The following SLC2A7 variants were observed in gnomAD, a reference collection of about 807,000 sequenced individuals.
SLC2A7 encodes solute carrier family 2, facilitated glucose transporter member 7.
SLC2A7 carries 50 observed loss-of-function variants against 50.5 expected under a neutral mutation model. The ratio of observed to expected loss-of-function variants is 0.99; its 90% CI spans 0.79 to 1.25. SLC2A7 has a LOEUF of 1.25. Among genes scored for constraint, SLC2A7 ranks in the 50% most tolerant of loss-of-function variants. The probability of loss-of-function intolerance (pLI) is 0.00; values close to 1 mark genes in which losing one functional copy is unlikely to be tolerated. For missense variants in SLC2A7, 683 were observed against 679.1 expected (o/e 1.01, Z -0.06); for synonymous variants, 308 against 300.4 (o/e 1.03, Z -0.26).
chr1:9,014,901 C>T (rs544616432), intron 6 of SLC2A7, 33 bp from the exon 7 acceptor site: 21 of 1,549,852 alleles, frequency 1.4e-5, no homozygotes, highest in African/African-American at 2.7e-5. Context: ...CTCAGAGGGC[C>T]GTCTCCCTGC....
intron 9 of SLC2A7, among the ~76,000 whole-genome samples, 182 bp from the exon 10 acceptor site, chr1:9,007,567 C>T (rs1640673687): frequency 6.6e-6 from 1 of 152,196 alleles, no homozygotes; most frequent in South Asian, 2.1e-4. Context: ...GCCTTGTAGC[C>T]TCCCACAGGG....
intron 1 of SLC2A7, among the ~76,000 whole-genome samples, chr1:9,025,795 G>A (rs778957167): frequency 1.1e-4 from 17 of 152,144 alleles, no homozygotes; most frequent in African/African-American, 4.1e-4. Flanking sequence ...GGAGCAGGTG[G>A]GCAGGGTCTC....
intron 8 of SLC2A7, 98 bp from the exon 9 acceptor site, chr1:9,010,342 C>G (rs1368840286): frequency 2.3e-6 from 2 of 884,012 alleles, no homozygotes; most frequent in Non-Finnish European, 3.5e-6. Flanking sequence ...TCTTAGGTGC[C>G]CCTTTCTTTC....
chr1:8,999,607 T>G (rs1253686901), downstream of SLC2A7, among the ~76,000 whole-genome samples: 1 of 152,200 alleles, frequency 6.6e-6, no homozygotes, highest in Non-Finnish European at 1.5e-5. Context: ...CTTCACTGAT[T>G]TGCTCTCATA....
At chr1:9,004,331 T>TAAAAAAAAAAAAAAA (rs761127530) in intron 11 of SLC2A7, among the ~76,000 whole-genome samples, 1 of 119,878 alleles carries the variant, frequency 8.3e-6, no homozygotes, top group Non-Finnish European at 1.7e-5. Flanking sequence ...AGGCCCTGTC[T>TAAAAAAAAAAAAAAA]AAAAAAAAAA....
At chr1:9,004,664 G>T in intron 11 of SLC2A7, 88 bp downstream of exon 11, 1 of 1,513,516 alleles carries the variant, frequency 6.6e-7, no homozygotes, top group Non-Finnish European at 9.1e-7. Flanking sequence ...CCACCTTGCT[G>T]GATTCACAGA....
At chr1:9,011,330 T>C (rs534367066) in intron 8 of SLC2A7, among the ~76,000 whole-genome samples, 1 of 152,274 alleles carries the variant, frequency 6.6e-6, no homozygotes, top group Non-Finnish European at 1.5e-5. Flanking sequence ...GGCCTCACCA[T>C]ACCTGAATAA....
At chr1:8,993,983 C>T in the SLC2A7 span, among the ~76,000 whole-genome samples, 1 of 152,180 alleles carries the variant, frequency 6.6e-6, no homozygotes, top group Non-Finnish European at 1.5e-5. Flanking sequence ...TAATTGTTGA[C>T]CAAGTTATCT....
In SLC2A7 at chr1:9,018,523, T is replaced by C. The variant is rs573592698; in HGVS notation, c.437-148A>G. 1.6e-4 allele frequency: 190 copies of C among 1,175,484 alleles called. 1 individual carries two copies. Among genetic ancestry groups the C allele is most frequent in the Non-Finnish European group, 2.2e-4 (184 of 846,290 alleles). The allele number at this position is 1,175,484 out of a possible 1,614,324, so 72.8% of individuals were successfully genotyped here. A position where few individuals can be genotyped will look rare whatever the true frequency, so the allele number is the denominator to read the frequency against. ...GCTCGGCCAACCTCGACTGTTTAGT[T>C]TGGACTTACACCAAAATCCCTCCAG... On this transcript the variant is annotated intron_variant, in intron 4 of 11. Transcript: ENST00000400906.
At chr1:9,019,798 C>T (rs1005560527) in intron 3 of SLC2A7, among the ~76,000 whole-genome samples, 1 of 152,162 alleles carries the variant, frequency 6.6e-6, no homozygotes, top group African/African-American at 2.4e-5. Context: ...GTGGCACATG[C>T]CTGTAATCTC....
chr1:9,013,049 C>T (rs1208440034), intron 8 of SLC2A7, among the ~76,000 whole-genome samples: 4 of 152,140 alleles, frequency 2.6e-5, no homozygotes, highest in African/African-American at 9.7e-5. Flanking sequence ...CACCACCATG[C>T]CCAGCTCATT....
intron 4 of SLC2A7, 79 bp downstream of exon 4, chr1:9,019,130 A>G: frequency 6.5e-7 from 1 of 1,531,302 alleles, no homozygotes; most frequent in Non-Finnish European, 8.8e-7. Flanking sequence ...CCAGGCAGAC[A>G]CCTCATCTGC....
the SLC2A7 span, among the ~76,000 whole-genome samples, chr1:8,994,959 T>G: frequency 4.0e-5 from 6 of 151,388 alleles, no homozygotes; most frequent in South Asian, 1.3e-3. Flanking sequence ...TTAGTAGAGA[T>G]GGGGTTTCAC....
At chr1:8,995,725 A>G in the SLC2A7 span, among the ~76,000 whole-genome samples, 1 of 152,182 alleles carries the variant, frequency 6.6e-6, no homozygotes, top group African/African-American at 2.4e-5. Flanking sequence ...AGCATGGGCA[A>G]AAAGAGTGAA....
intron 3 of SLC2A7, among the ~76,000 whole-genome samples, chr1:9,021,974 T>G (rs183341676): frequency 4.7e-4 from 71 of 152,308 alleles, no homozygotes; most frequent in Middle Eastern, 3.4e-3. Context: ...AAAGCTTGAA[T>G]TATGGTATAG....
At chr1:9,009,601 T>C (rs559892843) in intron 9 of SLC2A7, among the ~76,000 whole-genome samples, 1 of 152,144 alleles carries the variant, frequency 6.6e-6, no homozygotes, top group African/African-American at 2.4e-5. Flanking sequence ...GGACTACAGG[T>C]GCACACCACC....
At chr1:8,994,586 A>G in the SLC2A7 span, among the ~76,000 whole-genome samples, 26 of 152,296 alleles carry the variant, frequency 1.7e-4, no homozygotes, top group East Asian at 9.7e-4. Flanking sequence ...GCTAAGCACC[A>G]TCAAGAACCT....
intron 10 of SLC2A7, 73 bp from the exon 11 acceptor site, chr1:9,004,952 A>C (rs1569780385): frequency 2.6e-6 from 4 of 1,513,004 alleles, no homozygotes; most frequent in Non-Finnish European, 3.6e-6. Context: ...GACGCGGCCC[A>C]CTCTAGCCTC....
chr1:9,026,392 C>A lies in SLC2A7; in HGVS notation c.-47G>T, dbSNP rs1267544254. ...GGTGTGCTCTACCTCCCAAGTGACA[C>A]CTGCTCTGCGCCAGCCACCTAAAGA... On this transcript the variant is annotated 5_prime_UTR_variant, in exon 1 of 12. Transcript: ENST00000400906. 2.6e-6 allele frequency: 4 copies of A among 1,549,394 alleles called. No individual in the cohort carries two copies. The highest frequency in any genetic ancestry group is 2.4e-5 in the South Asian group (2 of 83,118).
Sources: gnomAD v4.1 joint callset for allele counts (sites outside exome capture counted in the v4.1 genomes callset) on GRCh38, gnomAD v4.1.1 for gene constraint, MANE v1.5 for transcripts, NCBI Gene and HGNC (gene_info 2026-07-23, HGNC 2026-07-21) for gene names.